Variants in SIPA1L1 observed in about 807,000 individuals in gnomAD.
The protein encoded by SIPA1L1 is signal-induced proliferation-associated 1-like protein 1.
SIPA1L1 carries 26 observed loss-of-function variants against 162.7 expected under a neutral mutation model. That is an observed-to-expected ratio of 0.16 (90% CI 0.12 to 0.22). The LOEUF (loss-of-function observed/expected upper bound fraction) is 0.22. SIPA1L1 is among the 10% of genes least tolerant of loss of function. The pLI is 1.00. For synonymous variants in SIPA1L1, 829 were observed against 837.4 expected (o/e 0.99, Z 0.17); for missense variants, 1,874 against 2,241.0 (o/e 0.84, Z 3.31).
intron 12 of SIPA1L1, among the ~76,000 whole-genome samples, chr14:71,680,560 A>T (rs925907599): frequency 1.3e-5 from 2 of 152,212 alleles, no homozygotes; most frequent in Non-Finnish European, 2.9e-5. Flanking sequence ...AGCTAGCAGA[A>T]GGCAAGAAAT....
intron 2 of SIPA1L1, among the ~76,000 whole-genome samples, chr14:71,425,091 T>A (rs2043467217): frequency 6.6e-6 from 1 of 152,114 alleles, no homozygotes; most frequent in South Asian, 2.1e-4. Flanking sequence ...TTCTGTAGAA[T>A]CAGTAGTAAT....
At chr14:71,322,449 A>T (rs985674078) in intron 2 of SIPA1L1, among the ~76,000 whole-genome samples, 3 of 152,222 alleles carry the variant, frequency 2.0e-5, no homozygotes, top group Non-Finnish European at 4.4e-5. Flanking sequence ...GCTGCAATTA[A>T]GCTACCTTTA....
intron 4 of SIPA1L1, among the ~76,000 whole-genome samples, chr14:71,581,305 A>G (rs1396585939): frequency 6.6e-6 from 1 of 152,210 alleles, no homozygotes; most frequent in Admixed American, 6.5e-5. Context: ...TGTTGGGATT[A>G]CAGGCGTGAG....
intron 2 of SIPA1L1, among the ~76,000 whole-genome samples, chr14:71,492,883 C>G (rs1377080201): frequency 1.3e-5 from 2 of 151,964 alleles, no homozygotes; most frequent in Non-Finnish European, 2.9e-5. Flanking sequence ...ACCGTGGCCT[C>G]CCAAAGTGCT....
At chr14:71,560,342 A>G (rs1014342610) in intron 4 of SIPA1L1, among the ~76,000 whole-genome samples, 3 of 152,190 alleles carry the variant, frequency 2.0e-5, no homozygotes, top group African/African-American at 7.2e-5. Context: ...GTGATGCCAC[A>G]AGAGACCCTG....
In SIPA1L1 at chr14:71,540,591, G is replaced by A. The variant is rs887020902; in HGVS notation, c.-303+11221G>A. On this transcript the variant is annotated intron_variant, in intron 4 of 23. Transcript: ENST00000381232. The stretch of plus-strand genomic sequence containing the variant: ...TATAGCTAGGACAAACAAAAAAAAG[G>A]TTGTGTCATTTGTCTTGGAAGTGAT... Among the ~76,000 whole-genome samples the A allele has an allele frequency of 6.6e-5, 10 of 152,260 alleles. No homozygotes were observed. The East Asian group carries it at 1.7e-3, about 26-fold the overall frequency.
At position 71,738,905 on chromosome 14, in the gene SIPA1L1, A is replaced by G. The variant is rs1383535733; in HGVS notation, c.5209-113A>G. 3.1e-6 allele frequency: 4 copies of G among 1,272,546 alleles called. No individual in the cohort carries two copies. In the East Asian group the frequency reaches 7.1e-5, roughly 22 times the overall value. 78.8% of individuals were successfully genotyped at this position (1,272,546 alleles called of 1,614,324 possible). On this transcript the variant is annotated intron_variant, in intron 23 of 23. Transcript: ENST00000381232. Reference sequence around the variant, plus strand: ...TCCGTTTAGACAGGTGTTTGGAGGAACGAAGAATAGAAATGGACAAAAGAT... The same window carrying G: ...TCCGTTTAGACAGGTGTTTGGAGGAGCGAAGAATAGAAATGGACAAAAGAT...
chr14:71,546,515 G>A (rs1253126481), intron 4 of SIPA1L1, among the ~76,000 whole-genome samples: 3 of 151,506 alleles, frequency 2.0e-5, no homozygotes, highest in Non-Finnish European at 4.4e-5. Flanking sequence ...CTAAGTAGCT[G>A]GGATTACAGG....
At chr14:71,703,619 A>T (rs2082243175) in intron 15 of SIPA1L1, among the ~76,000 whole-genome samples, 1 of 152,204 alleles carries the variant, frequency 6.6e-6, no homozygotes, top group Non-Finnish European at 1.5e-5. Flanking sequence ...TCTTGACAGA[A>T]TGTTTTAAAT....
chr14:71,713,852 C>T (rs1397737786), intron 17 of SIPA1L1, among the ~76,000 whole-genome samples: 1 of 152,022 alleles, frequency 6.6e-6, no homozygotes, highest in African/African-American at 2.4e-5. Flanking sequence ...GTAACATTTC[C>T]TTCTCTAAAT....
intron 2 of SIPA1L1, among the ~76,000 whole-genome samples, chr14:71,446,916 T>TTTTTTG (rs2045431396): frequency 2.4e-5 from 3 of 127,330 alleles, no homozygotes; most frequent in South Asian, 5.2e-4. Flanking sequence ...GTTTTTTTTT[T>TTTTTTG]TTTTTTTTTT....
intron 2 of SIPA1L1, among the ~76,000 whole-genome samples, chr14:71,502,264 A>ATT (rs1231885934): frequency 1.5e-4 from 21 of 142,160 alleles, no homozygotes; most frequent in African/African-American, 3.6e-4. Flanking sequence ...AAATATATAT[A>ATT]TATATATATA....
chr14:71,614,698 T>G (rs1015727659), intron 5 of SIPA1L1, among the ~76,000 whole-genome samples: 3 of 152,232 alleles, frequency 2.0e-5, no homozygotes, highest in Non-Finnish European at 2.9e-5. Context: ...TGTTGGAATT[T>G]AGTTTATAAT....
At chr14:71,342,580 A>G (rs1470734598) in intron 2 of SIPA1L1, among the ~76,000 whole-genome samples, 1 of 152,226 alleles carries the variant, frequency 6.6e-6, no homozygotes, top group Non-Finnish European at 1.5e-5. Flanking sequence ...AAGCATGTTC[A>G]GTTGATCAGA....
intron 3 of SIPA1L1, among the ~76,000 whole-genome samples, chr14:71,527,140 C>A (rs772076242): frequency 1.3e-5 from 2 of 151,880 alleles, no homozygotes; most frequent in African/African-American, 4.8e-5. Context: ...TTTTTATATT[C>A]TGTTTGGGTG....
At chr14:71,564,347 CT>C (rs918163471) in intron 4 of SIPA1L1, among the ~76,000 whole-genome samples, 2 of 148,778 alleles carry the variant, frequency 1.3e-5, no homozygotes, top group Admixed American at 1.3e-4. Flanking sequence ...ATTTCTGTGA[CT>C]TTTTTTTTCT....
At chr14:71,701,312 C>CCCAGATGGG (rs1424991924) in intron 14 of SIPA1L1, among the ~76,000 whole-genome samples, 1 of 152,044 alleles carries the variant, frequency 6.6e-6, no homozygotes, top group Non-Finnish European at 1.5e-5. Flanking sequence ...TTCATCCAGG[C>CCCAGATGGG]CCATCTCAAG....
intron 12 of SIPA1L1, among the ~76,000 whole-genome samples, chr14:71,675,239 G>A (rs2045016809): frequency 1.3e-5 from 2 of 152,198 alleles, no homozygotes; most frequent in African/African-American, 4.8e-5. Context: ...TCCCGGAGGA[G>A]CCAGTGGAGC....
chr14:71,417,456 C>T (rs1427768546), intron 2 of SIPA1L1, among the ~76,000 whole-genome samples: 1 of 60,250 alleles, frequency 1.7e-5, no homozygotes, highest in African/African-American at 5.4e-5. Context: ...TGGGCGACAG[C>T]GAGACTCCGT....
Sources: gnomAD v4.1 joint callset for allele counts (sites outside exome capture counted in the v4.1 genomes callset) on GRCh38, gnomAD v4.1.1 for gene constraint, MANE v1.5 for transcripts, NCBI Gene and HGNC (gene_info 2026-07-23, HGNC 2026-07-21) for gene names.